ROBO2: variants seen among roughly 807,000 people sequenced by gnomAD.
ROBO2 encodes roundabout homolog 2.
A neutral mutation model predicts 160.8 loss-of-function variants in ROBO2; 53 were observed. The observed-to-expected ratio is 0.33, with a 90% CI of 0.26 to 0.41. The LOEUF (loss-of-function observed/expected upper bound fraction) is 0.41. Among genes scored for constraint, ROBO2 ranks in the 10% least tolerant of loss-of-function variants. The probability of loss-of-function intolerance (pLI) is 1.00; values close to 1 mark genes in which losing one functional copy is unlikely to be tolerated. For synonymous variants in ROBO2, 664 were observed against 611.7 expected (o/e 1.09, Z -1.26); for missense variants, 1,577 against 1,722.4 (o/e 0.92, Z 1.49).
chr3:76,718,195 T>A (rs950885529), intron 2 of ROBO2, among the ~76,000 whole-genome samples: 1 of 152,156 alleles, frequency 6.6e-6, no homozygotes, highest in Admixed American at 6.5e-5. Context: ...GCTAAAGGAT[T>A]TTTGTGACAT....
At chr3:77,307,777 G>A (rs951540714) in intron 2 of ROBO2, among the ~76,000 whole-genome samples, 11 of 152,096 alleles carry the variant, frequency 7.2e-5, no homozygotes, top group African/African-American at 2.7e-4. Context: ...CAGCTACTCG[G>A]GAGGCTAAGG....
At chr3:76,716,983 T>C (rs1175940926) in intron 2 of ROBO2, among the ~76,000 whole-genome samples, 1 of 152,220 alleles carries the variant, frequency 6.6e-6, no homozygotes, top group Non-Finnish European at 1.5e-5. Context: ...TTTCTATTAG[T>C]ATTCATCCAT....
intron 2 of ROBO2, among the ~76,000 whole-genome samples, chr3:76,874,584 A>C (rs567099909): frequency 2.0e-5 from 3 of 152,218 alleles, no homozygotes; most frequent in Non-Finnish European, 4.4e-5. Flanking sequence ...ACAGAAGTTC[A>C]TATCAAAGAC....
chr3:76,333,351 G>C (rs1301811009), intron 2 of ROBO2, among the ~76,000 whole-genome samples: 2 of 152,098 alleles, frequency 1.3e-5, no homozygotes, highest in Non-Finnish European at 2.9e-5. Flanking sequence ...GCAAGTGTAC[G>C]CAGCGTAAAG....
intron 2 of ROBO2, among the ~76,000 whole-genome samples, chr3:76,119,372 CACTT>C (rs1288812331): frequency 3.9e-5 from 6 of 151,904 alleles, no homozygotes; most frequent in Non-Finnish European, 8.8e-5. Context: ...TACCATAGCT[CACTT>C]AGTTAACAAA....
chr3:75,926,505 A>G (rs1947298175), intron 1 of ROBO2, among the ~76,000 whole-genome samples: 1 of 152,180 alleles, frequency 6.6e-6, no homozygotes, highest in Admixed American at 6.5e-5. Context: ...TAGAAGGTTT[A>G]AAAAATGTTT....
intron 2 of ROBO2, among the ~76,000 whole-genome samples, chr3:76,727,882 A>G (rs1021626523): frequency 1.3e-5 from 2 of 152,160 alleles, no homozygotes; most frequent in South Asian, 4.1e-4. Context: ...GGTATATTTC[A>G]AAATAGCTGG....
At position 76,979,994 on chromosome 3, in the gene ROBO2, A is replaced by C. The variant is rs368177722; in HGVS notation, c.110-118020A>C. Among the ~76,000 whole-genome samples the C allele has an allele frequency of 1.1e-4, 16 of 152,198 alleles. 1 individual carries two copies. The South Asian group carries it at 1.2e-3, about 12-fold the overall frequency. ...CTTTGCTGAATTGTCTGCTGAGCTT[A>C]TAAAGGAAGAAATACTTTGGTGTGT... On this transcript the variant is annotated intron_variant, in intron 2 of 26. Transcript: ENST00000487694.
intron 2 of ROBO2, among the ~76,000 whole-genome samples, chr3:76,925,210 CAAAAAAAAAAA>C (rs147022230): frequency 1.6e-5 from 1 of 61,882 alleles, no homozygotes; most frequent in East Asian, 4.8e-4. Context: ...GACTCCGTCT[CAAAAAAAAAAA>C]AAAAAAAAAA....
intron 2 of ROBO2, among the ~76,000 whole-genome samples, chr3:77,377,633 A>G (rs764276843): frequency 5.8e-4 from 89 of 152,358 alleles, no homozygotes; most frequent in Non-Finnish European, 1.1e-3. Context: ...TATGAAAGAT[A>G]TGAGACCTCG....
At chr3:76,592,924 T>G (rs919726796) in intron 2 of ROBO2, among the ~76,000 whole-genome samples, 1 of 152,048 alleles carries the variant, frequency 6.6e-6, no homozygotes, top group African/African-American at 2.4e-5. Flanking sequence ...CAACAAATAT[T>G]TATTCAATAG....
intron 2 of ROBO2, among the ~76,000 whole-genome samples, chr3:77,034,411 T>C (rs1468001108): frequency 1.3e-5 from 2 of 148,966 alleles, no homozygotes; most frequent in Non-Finnish European, 3.0e-5. Context: ...CAACTTCAGG[T>C]ACTCCACAAG....
intron 2 of ROBO2, among the ~76,000 whole-genome samples, chr3:76,931,552 CACAT>C (rs1267102881): frequency 1.3e-5 from 2 of 151,586 alleles, no homozygotes; most frequent in African/African-American, 2.4e-5. Flanking sequence ...CTTTATAAGA[CACAT>C]ACACACACAC....
chr3:76,271,332 T>C (rs1707419910), intron 2 of ROBO2, among the ~76,000 whole-genome samples: 1 of 151,880 alleles, frequency 6.6e-6, no homozygotes, highest in Non-Finnish European at 1.5e-5. Flanking sequence ...TTAACAACTG[T>C]TCCTTGTTTG....
chr3:76,708,729 C>G lies in ROBO2; in HGVS notation c.110-389285C>G, dbSNP rs72890231. 9.9e-3 allele frequency among the ~76,000 whole-genome samples: 1,511 copies of G among 152,232 alleles called. 25 individuals carry two copies. The highest frequency in any genetic ancestry group is 0.034 in the African/African-American group (1,426 of 41,534). ...CAGAAAGGAGTAATAAAATTGTGTT[C>G]ACGTTTTAGAACCATTGCTCTGGCA... On this transcript the variant is annotated intron_variant, in intron 2 of 26. Coordinates refer to the ROBO2 transcript ENST00000487694.
chr3:77,186,004 A>C (rs1268897864), intron 2 of ROBO2, among the ~76,000 whole-genome samples: 1 of 151,920 alleles, frequency 6.6e-6, no homozygotes, highest in Non-Finnish European at 1.5e-5. Flanking sequence ...TAAGAATGAC[A>C]CAATGGACTT....
intron 2 of ROBO2, among the ~76,000 whole-genome samples, chr3:75,993,245 G>A (rs532567202): frequency 1.9e-4 from 29 of 152,288 alleles, no homozygotes; most frequent in African/African-American, 6.3e-4. Context: ...ACTTTCCTAT[G>A]TGTTGTGGGA....
intron 2 of ROBO2, among the ~76,000 whole-genome samples, chr3:75,997,066 A>G (rs1479051743): frequency 1.3e-5 from 2 of 152,184 alleles, no homozygotes; most frequent in Admixed American, 6.5e-5. Context: ...TTATTTGTCT[A>G]TTATTTGCCA....
chr3:76,886,538 C>G (rs1449909003), intron 2 of ROBO2, among the ~76,000 whole-genome samples: 1 of 152,092 alleles, frequency 6.6e-6, no homozygotes, highest in East Asian at 1.9e-4. Flanking sequence ...TCCTTCTTTG[C>G]ACTTCCGGTA....
Sources: allele counts gnomAD v4.1 joint callset (sites outside exome capture counted in the v4.1 genomes callset), GRCh38; gene constraint gnomAD v4.1.1; transcripts MANE v1.5; gene names NCBI Gene and HGNC (gene_info 2026-07-23, HGNC 2026-07-21).